SH3RF2: variants seen among roughly 807,000 people sequenced by gnomAD.
SH3RF2 encodes E3 ubiquitin-protein ligase SH3RF2.
In SH3RF2, 43 loss-of-function variants were observed where a neutral mutation model predicts 59.0. The observed-to-expected ratio is 0.73, with a 90% CI of 0.57 to 0.94. The LOEUF (loss-of-function observed/expected upper bound fraction) is 0.94. Ranked by LOEUF, SH3RF2 falls within the 40% of genes least tolerant of loss-of-function variation. The probability of loss-of-function intolerance (pLI) is 0.00; values close to 1 mark genes in which losing one functional copy is unlikely to be tolerated. For synonymous variants in SH3RF2, 391 were observed against 391.5 expected, an observed-to-expected ratio of 1.00 and a Z score of 0.01; for missense variants, 930 against 940.1, an observed-to-expected ratio of 0.99 and a Z score of 0.14.
intron 5 of SH3RF2, among the ~76,000 whole-genome samples, chr5:146,040,411 G>C (rs894007469): frequency 6.6e-6 from 1 of 152,144 alleles, no homozygotes; most frequent in Admixed American, 6.6e-5. Flanking sequence ...AACAGGTAGG[G>C]GGGTGGCCAG....
intron 2 of SH3RF2, among the ~76,000 whole-genome samples, chr5:145,955,649 C>G (rs1178413213): frequency 6.6e-6 from 1 of 152,150 alleles, no homozygotes; most frequent in Non-Finnish European, 1.5e-5. Flanking sequence ...AGAAGTAGAG[C>G]AAAATTTTCC....
intron 5 of SH3RF2, among the ~76,000 whole-genome samples, chr5:146,031,655 T>C (rs1761748043): frequency 6.6e-6 from 1 of 152,218 alleles, no homozygotes; most frequent in African/African-American, 2.4e-5. Context: ...TGCTGTGTCA[T>C]CATTTTGCCT....
At chr5:146,041,431 G>A (rs1762122820) in intron 5 of SH3RF2, among the ~76,000 whole-genome samples, 1 of 152,204 alleles carries the variant, frequency 6.6e-6, no homozygotes, top group South Asian at 2.1e-4. Context: ...AGCCCTGCGT[G>A]TCCTGCTTAT....
chr5:145,962,488 C>G (rs1758665923), intron 2 of SH3RF2, among the ~76,000 whole-genome samples: 1 of 152,216 alleles, frequency 6.6e-6, no homozygotes, highest in African/African-American at 2.4e-5. Context: ...ACAAACCAAT[C>G]TCTCAAAATC....
intron 2 of SH3RF2, chr5:145,997,758 A>T: frequency 6.3e-7 from 1 of 1,576,960 alleles, no homozygotes. Flanking sequence ...GTGGACAAAA[A>T]GCAGCAAAAA....
chr5:146,014,181 TA>T, intron 5 of SH3RF2, 120 bp downstream of exon 5: 1 of 932,468 alleles, frequency 1.1e-6, no homozygotes, highest in South Asian at 1.5e-5. Flanking sequence ...TACTAGTAAC[TA>T]ATGCCATATG....
chr5:146,047,998 C>T (rs1165783889), intron 6 of SH3RF2, 135 bp downstream of exon 6: 2 of 816,688 alleles, frequency 2.4e-6, no homozygotes, highest in African/African-American at 1.7e-5. Context: ...TTTACCACTT[C>T]CAAGTGAAAT....
At chr5:145,997,769 AAG>A (rs750365063) in intron 2 of SH3RF2, 7 of 1,573,186 alleles carry the variant, frequency 4.4e-6, no homozygotes, top group Non-Finnish European at 4.4e-6. Flanking sequence ...GCAGCAAAAA[AAG>A]AGTCACTCCC....
chr5:145,950,606 C>T (rs1166025186), intron 2 of SH3RF2, among the ~76,000 whole-genome samples: 3 of 151,954 alleles, frequency 2.0e-5, no homozygotes, highest in East Asian at 3.9e-4. Flanking sequence ...AAAAGGTACA[C>T]ATGTGATCTG....
intron 7 of SH3RF2, among the ~76,000 whole-genome samples, chr5:146,053,627 T>A (rs1226254868): frequency 1.3e-5 from 2 of 152,222 alleles, no homozygotes; most frequent in African/African-American, 4.8e-5. Flanking sequence ...ATGATTGGAC[T>A]CTTCCTGCTG....
intron 3 of SH3RF2, among the ~76,000 whole-genome samples, chr5:146,001,171 T>G (rs914449771): frequency 3.3e-5 from 5 of 152,236 alleles, no homozygotes; most frequent in Non-Finnish European, 7.3e-5. Context: ...TTAATGACAG[T>G]TGTACTAAAG....
intron 5 of SH3RF2, among the ~76,000 whole-genome samples, chr5:146,020,374 T>G (rs1313539551): frequency 6.6e-6 from 1 of 152,222 alleles, no homozygotes; most frequent in African/African-American, 2.4e-5. Flanking sequence ...CTTTGCTTTT[T>G]GTCCTTGTAC....
intron 5 of SH3RF2, among the ~76,000 whole-genome samples, chr5:146,047,540 A>G (rs1230505630): frequency 6.6e-6 from 1 of 152,040 alleles, no homozygotes; most frequent in African/African-American, 2.4e-5. Context: ...CTATCTGAGC[A>G]GGCTTTTGGA....
intron 2 of SH3RF2, among the ~76,000 whole-genome samples, chr5:145,959,998 C>T (rs4913054): frequency 0.096 from 14,594 of 152,112 alleles, 1,048 homozygotes; most frequent in East Asian, 0.27. Context: ...CTATTAAAGC[C>T]GGCATTTTCA....
chr5:145,974,539 A>G lies in SH3RF2; in HGVS notation c.379-25519A>G, dbSNP rs559594940. Among the ~76,000 whole-genome samples, 6 of 152,340 alleles carry G rather than the reference A, an allele frequency of 3.9e-5. No homozygotes were observed. The East Asian group carries it at 1.2e-3, about 29-fold the overall frequency. The stretch of plus-strand genomic sequence containing the variant: ...TGTATATATAGCATTTATTAACCAT[A>G]TATTATGAGCAAGGTACTGTGCCAG... On this transcript the variant is annotated intron_variant, in intron 2 of 9. Transcript: ENST00000359120.
intron 5 of SH3RF2, among the ~76,000 whole-genome samples, chr5:146,035,889 G>A (rs972657416): frequency 2.0e-5 from 3 of 152,212 alleles, no homozygotes; most frequent in Admixed American, 1.3e-4. Context: ...CTGTCTGTGA[G>A]TGCAGTGGCC....
chr5:146,021,118 T>G (rs1192248584), intron 5 of SH3RF2, among the ~76,000 whole-genome samples: 1 of 152,164 alleles, frequency 6.6e-6, no homozygotes, highest in Non-Finnish European at 1.5e-5. Flanking sequence ...TTCTCAGGGC[T>G]GCCATGAGAA....
rs1762948324 is a variant in SH3RF2, at chr5:146,062,753, C to T, written c.*52C>T. On this transcript the variant is annotated 3_prime_UTR_variant, in exon 10 of 10. Transcript: ENST00000359120. ...CAAAGAGGTGAATTGCATTTAAATA[C>T]AGTCTGCCTCCACTGAGGGCATCCT... 3 of 1,569,306 alleles carry T rather than the reference C, an allele frequency of 1.9e-6. No individual in the cohort carries two copies. The highest frequency in any genetic ancestry group is 2.6e-6 in the Non-Finnish European group (3 of 1,154,880).
In SH3RF2 at chr5:146,000,067, G is replaced by A; in HGVS notation, c.388G>A (p.Ala130Thr). The A allele has an allele frequency of 6.2e-7, 1 of 1,612,482 alleles. No individual in the cohort carries two copies. Among genetic ancestry groups the A allele is most frequent in the South Asian group, 1.1e-5 (1 of 90,668 alleles). ...GTCTGTGCCATTGCAGGTGCCTCGA[G>A]CAAAGGCCTTATGCAACTACAGAGG... is the stretch of plus-strand genomic sequence containing the variant. The part of the protein sequence containing the change: ...VRIHMDGVPR[A>T]KALCNYRGQN... The change falls in exon 3 of 10, where the codon GCA becomes ACA. Residue 130 changes from alanine (A) to threonine (T), a missense_variant. Coordinates refer to ENST00000359120, the MANE Select transcript of SH3RF2 (RefSeq NM_152550.4).
Sources: gnomAD v4.1 joint callset for allele counts (sites outside exome capture counted in the v4.1 genomes callset) on GRCh38, gnomAD v4.1.1 for gene constraint, MANE v1.5 for transcripts, NCBI Gene and HGNC (gene_info 2026-07-23, HGNC 2026-07-21) for gene names.